The following AKR1C8 variants were observed in gnomAD, a reference collection of about 807,000 sequenced individuals.
The protein encoded by AKR1C8 is aldo-keto reductase family 1 member C-like protein 1.
At chr10:5,136,184 C>A in the AKR1C8 span, among the ~76,000 whole-genome samples, 6 of 152,084 alleles carry the variant, frequency 3.9e-5, no homozygotes, top group Admixed American at 3.9e-4. Context: ...AATCTAATTA[C>A]AATAAATTGG....
At chr10:5,122,235 C>T in the AKR1C8 span, 1 of 287,098 alleles carries the variant, frequency 3.5e-6, no homozygotes, top group Non-Finnish European at 7.2e-6. Context: ...AATCCAAGGA[C>T]TTTGCAAGGG....
At chr10:5,138,608 G>A in the AKR1C8 span, among the ~76,000 whole-genome samples, 1 of 152,136 alleles carries the variant, frequency 6.6e-6, no homozygotes, top group South Asian at 2.1e-4. Flanking sequence ...AAGATAACAG[G>A]ATTAAGAGAT....
At chr10:5,132,229 G>A in the AKR1C8 span, among the ~76,000 whole-genome samples, 4 of 152,142 alleles carry the variant, frequency 2.6e-5, no homozygotes, top group African/African-American at 9.7e-5. Flanking sequence ...ATTGAGTACA[G>A]TGTCCACTGA....
At chr10:5,153,686 A>G in the AKR1C8 span, among the ~76,000 whole-genome samples, 3 of 152,268 alleles carry the variant, frequency 2.0e-5, no homozygotes, top group East Asian at 3.9e-4. Context: ...GATGCTACAC[A>G]TTTTTAAACA....
chr10:5,169,157 C>T, the AKR1C8 span, among the ~76,000 whole-genome samples: 281 of 152,324 alleles, frequency 1.8e-3, no homozygotes, highest in Middle Eastern at 6.8e-3. Flanking sequence ...TTACTGTCTG[C>T]TCTTTCTGGC....
At chr10:5,118,467 G>C in the AKR1C8 span, among the ~76,000 whole-genome samples, 1 of 152,130 alleles carries the variant, frequency 6.6e-6, no homozygotes, top group Admixed American at 6.6e-5. Context: ...GATAATTATT[G>C]TTATGGCCAT....
At chr10:5,179,924 C>T in the AKR1C8 span, among the ~76,000 whole-genome samples, 5 of 152,108 alleles carry the variant, frequency 3.3e-5, no homozygotes, top group Non-Finnish European at 7.4e-5. Flanking sequence ...TTTGAATTTC[C>T]TCCTGTAGCT....
the AKR1C8 span, among the ~76,000 whole-genome samples, chr10:5,121,697 G>C: frequency 6.6e-6 from 1 of 152,092 alleles, no homozygotes; most frequent in Non-Finnish European, 1.5e-5. Flanking sequence ...CCTCGGTGGA[G>C]ACACAAAGAG....
the AKR1C8 span, among the ~76,000 whole-genome samples, chr10:5,129,237 A>G: frequency 6.6e-6 from 1 of 152,048 alleles, no homozygotes; most frequent in East Asian, 1.9e-4. Flanking sequence ...ATAAATTATA[A>G]TAGTGACACA....
chr10:5,164,152 G>A, the AKR1C8 span, among the ~76,000 whole-genome samples: 14 of 151,960 alleles, frequency 9.2e-5, no homozygotes, highest in African/African-American at 1.7e-4. Flanking sequence ...TATTAGTCTC[G>A]GACCAAGGTC....
chr10:5,166,976 T>C, the AKR1C8 span, among the ~76,000 whole-genome samples: 1 of 149,114 alleles, frequency 6.7e-6, no homozygotes, highest in African/African-American at 2.4e-5. Flanking sequence ...GGGCAAAGGA[T>C]ATGAAGAGAC....
chr10:5,161,604 A>G, the AKR1C8 span: 2 of 485,260 alleles, frequency 4.1e-6, no homozygotes, highest in Non-Finnish European at 8.4e-6. Flanking sequence ...TCAACTGTCT[A>G]GGGTAGAGGA....
At chr10:5,147,946 C>A in the AKR1C8 span, among the ~76,000 whole-genome samples, 2 of 152,190 alleles carry the variant, frequency 1.3e-5, no homozygotes, top group African/African-American at 4.8e-5. Context: ...GGCCTCCACC[C>A]ATGCATTAGG....
the AKR1C8 span, chr10:5,184,924 T>A: frequency 2.2e-6 from 1 of 453,360 alleles, no homozygotes; most frequent in East Asian, 6.4e-5. Context: ...AAGCATCCAC[T>A]GTCTACCCAA....
the AKR1C8 span, among the ~76,000 whole-genome samples, chr10:5,133,859 G>A: frequency 1.3e-5 from 2 of 152,136 alleles, no homozygotes; most frequent in Non-Finnish European, 2.9e-5. Context: ...TAAATATGAC[G>A]AGTAAAGACA....
chr10:5,164,117 T>G, the AKR1C8 span, among the ~76,000 whole-genome samples: 1 of 152,122 alleles, frequency 6.6e-6, no homozygotes, highest in African/African-American at 2.4e-5. Flanking sequence ...CCAAGGTCCT[T>G]GGTCAAGCTT....
At chr10:5,172,441 A>G in the AKR1C8 span, among the ~76,000 whole-genome samples, 1 of 152,118 alleles carries the variant, frequency 6.6e-6, no homozygotes. Context: ...TCTGTGGACT[A>G]GACTGCCTAA....
the AKR1C8 span, among the ~76,000 whole-genome samples, chr10:5,165,447 G>A: frequency 6.6e-6 from 1 of 151,964 alleles, no homozygotes; most frequent in Admixed American, 6.6e-5. Flanking sequence ...AAAACCTCTA[G>A]TTTCCCAATT....
At chr10:5,146,419 T>TA in the AKR1C8 span, among the ~76,000 whole-genome samples, 6 of 152,090 alleles carry the variant, frequency 3.9e-5, no homozygotes, top group South Asian at 4.1e-4. Context: ...TTGGTAAAGT[T>TA]AAAAAAATTA....
Sources: allele counts gnomAD v4.1 joint callset (sites outside exome capture counted in the v4.1 genomes callset), GRCh38; gene constraint gnomAD v4.1.1; transcripts MANE v1.5; gene names NCBI Gene and HGNC (gene_info 2026-07-23, HGNC 2026-07-21).